The following ALG12 variants were observed in gnomAD, a reference collection of about 807,000 sequenced individuals.
ALG12 encodes the protein dol-P-Man:Man(7)GlcNAc(2)-PP-Dol alpha-1,6-mannosyltransferase.
ALG12 carries 36 observed loss-of-function variants against 46.0 expected under a neutral mutation model. That is an observed-to-expected ratio of 0.78 (90% CI 0.60 to 1.03). The LOEUF (loss-of-function observed/expected upper bound fraction) is 1.03. Among genes scored for constraint, ALG12 ranks in the 50% least tolerant of loss-of-function variants. ALG12 has a pLI of 0.00. For synonymous variants in ALG12, 326 were observed against 291.6 expected (o/e 1.12, Z -1.20); for missense variants, 599 against 633.5 (o/e 0.95, Z 0.58).
At chr22:49,885,019 G>T in the ALG12 span, 2 of 1,613,046 alleles carry the variant, frequency 1.2e-6, no homozygotes, top group African/African-American at 1.3e-5. Context: ...GAATAAAAAG[G>T]TCATGAAAAG....
the ALG12 span, chr22:49,883,539 G>T: frequency 7.5e-7 from 1 of 1,326,086 alleles, no homozygotes; most frequent in Non-Finnish European, 1.0e-6. Context: ...CATATTTCTA[G>T]AAACATCCTG....
At chr22:49,915,908 A>G (rs2060606682) in intron 1 of ALG12, among the ~76,000 whole-genome samples, 1 of 152,228 alleles carries the variant, frequency 6.6e-6, no homozygotes, top group Non-Finnish European at 1.5e-5. Context: ...GCTGCCGAAG[A>G]AGAAATCGGT....
At chr22:49,885,430 A>T in the ALG12 span, 1 of 1,609,276 alleles carries the variant, frequency 6.2e-7, no homozygotes, top group Non-Finnish European at 8.5e-7. Flanking sequence ...CAGCCGGGGG[A>T]AGAAGCCGAC....
At chr22:49,914,797 G>A (rs12166766) in intron 1 of ALG12, among the ~76,000 whole-genome samples, 18,723 of 152,208 alleles carry the variant, frequency 0.12, 2,940 homozygotes, top group African/African-American at 0.37. Flanking sequence ...GTGCAGTGGA[G>A]TGATCATGGC....
chr22:49,902,516 G>A lies in ALG12; in HGVS notation c.*1322C>T, dbSNP rs1296906041. 1 of 140,208 alleles carries A rather than the reference G, an allele frequency of 7.1e-6. No individual in the cohort carries two copies. Among genetic ancestry groups the A allele is most frequent in the Non-Finnish European group, 1.5e-5 (1 of 66,920 alleles). 8.7% of individuals were successfully genotyped at this position (140,208 alleles called of 1,614,324 possible). ...TGCATGGTGTGTGCACATGTGCACT[G>A]TGTATGCATGGTAATGTGCACGCGT... On this transcript the variant is annotated 3_prime_UTR_variant, in exon 10 of 10. Coordinates refer to ENST00000330817, the MANE Select transcript of ALG12 (RefSeq NM_024105.4).
the ALG12 span, chr22:49,883,440 GT>G: frequency 7.8e-6 from 4 of 514,320 alleles, no homozygotes; most frequent in Non-Finnish European, 1.3e-5. Flanking sequence ...CACCATGAGT[GT>G]TTAGTAGCAG....
intron 3 of ALG12, among the ~76,000 whole-genome samples, chr22:49,910,894 A>G (rs1314680634): frequency 6.6e-6 from 1 of 152,324 alleles, no homozygotes; most frequent in South Asian, 2.1e-4. Context: ...CCACGAGCTG[A>G]GCCCTACACT....
the ALG12 span, chr22:49,885,424 C>A: frequency 6.2e-7 from 1 of 1,608,608 alleles, no homozygotes; most frequent in Non-Finnish European, 8.5e-7. Context: ...GACCATCAGC[C>A]GGGGGAAGAA....
the ALG12 span, chr22:49,885,882 C>G: frequency 1.7e-6 from 2 of 1,205,944 alleles, no homozygotes; most frequent in African/African-American, 1.5e-5. Context: ...GTAACCAGAC[C>G]CGTGAGTACC....
chr22:49,892,691 C>G, the ALG12 span, among the ~76,000 whole-genome samples: 1 of 152,222 alleles, frequency 6.6e-6, no homozygotes, highest in Non-Finnish European at 1.5e-5. Context: ...CCAACCCTCA[C>G]CAAGTCTGGA....
chr22:49,883,378 G>T, the ALG12 span: 1 of 289,936 alleles, frequency 3.4e-6, no homozygotes, highest in Non-Finnish European at 6.4e-6. Context: ...TGATCAGGCA[G>T]ATCCTGTCCT....
chr22:49,883,932 C>T, the ALG12 span: 19 of 1,613,040 alleles, frequency 1.2e-5, no homozygotes, highest in African/African-American at 2.4e-4. Flanking sequence ...TCTCCCAGTA[C>T]AGCAGCACCC....
At chr22:49,887,268 T>C in the ALG12 span, 23 of 1,393,938 alleles carry the variant, frequency 1.7e-5, no homozygotes, top group Admixed American at 2.2e-5. Context: ...CCCACGGCTG[T>C]GTACGACATC....
At position 49,906,295 on chromosome 22, in the gene ALG12, CT is replaced by C. The variant is rs1400386844; in HGVS notation, c.992+1425del. Among the ~76,000 whole-genome samples, 1 of 152,234 alleles carries C rather than the reference CT, an allele frequency of 6.6e-6. No homozygotes were observed. The highest frequency in any genetic ancestry group is 2.4e-5 in the African/African-American group (1 of 41,458). On this transcript the variant is annotated intron_variant, in intron 7 of 9. Coordinates refer to ENST00000330817, the MANE Select transcript of ALG12 (RefSeq NM_024105.4). The surrounding 1 kb of genome is among the most constrained non-coding windows in gnomAD (Gnocchi z 4.4). ...CCGCTCTCCCCGTCTTTCCTACCCT[CT>C]TTTCCATGACTCTGGCTGGGGTCTG...
intron 9 of ALG12, 49 bp downstream of exon 9, chr22:49,904,129 AG>A: frequency 6.2e-7 from 1 of 1,614,030 alleles, no homozygotes; most frequent in Non-Finnish European, 8.5e-7. Flanking sequence ...CCCGCCCCCA[AG>A]GGGCCCTCAC....
chr22:49,906,596 C>T lies in ALG12; in HGVS notation c.992+1125G>A, dbSNP rs913703554. Among the ~76,000 whole-genome samples, 7 of 152,188 alleles carry T rather than the reference C, an allele frequency of 4.6e-5. No individual in the cohort carries two copies. Among genetic ancestry groups the T allele is most frequent in the South Asian group, 4.1e-4 (2 of 4,832 alleles). Reference sequence around the variant, plus strand: ...CAAGTGGCACCGGAAAGCACCTGACCGCTGCCTGAGATCAGGGACCGCATT... The same window carrying T: ...CAAGTGGCACCGGAAAGCACCTGACTGCTGCCTGAGATCAGGGACCGCATT... On this transcript the variant is annotated intron_variant, in intron 7 of 9. Transcript: ENST00000330817. This position sits in a 1 kb window ranked among gnomAD's most constrained non-coding sequence, Gnocchi z 4.4.
the ALG12 span, chr22:49,884,313 G>A: frequency 2.9e-5 from 46 of 1,613,620 alleles, no homozygotes; most frequent in African/African-American, 1.2e-4. Flanking sequence ...CTAAGATCCC[G>A]TCCCCCGATC....
chr22:49,882,744 G>A, the ALG12 span, among the ~76,000 whole-genome samples: 1 of 152,134 alleles, frequency 6.6e-6, no homozygotes, highest in Admixed American at 6.5e-5. Flanking sequence ...ATTCCAGCAC[G>A]GCGCAGCATC....
At chr22:49,874,376 T>C in the ALG12 span, among the ~76,000 whole-genome samples, 1 of 151,740 alleles carries the variant, frequency 6.6e-6, no homozygotes, top group Middle Eastern at 3.2e-3. Context: ...CTTTTGCTAA[T>C]GTATTGTTTT....
Sources: allele counts gnomAD v4.1 joint callset (sites outside exome capture counted in the v4.1 genomes callset), GRCh38; gene constraint gnomAD v4.1.1; non-coding constraint Gnocchi (gnomAD v3.1); transcripts MANE v1.5; gene names NCBI Gene and HGNC (gene_info 2026-07-23, HGNC 2026-07-21).